The following LAMA4 variants were observed in gnomAD, a reference collection of about 807,000 sequenced individuals.
The protein encoded by LAMA4 is laminin subunit alpha 4.
A neutral mutation model predicts 207.1 loss-of-function variants in LAMA4; 127 were observed. The observed-to-expected ratio is 0.61, with a 90% confidence interval of 0.53 to 0.71. The LOEUF is 0.71. LAMA4 is among the 30% of genes least tolerant of loss of function. LAMA4 has a pLI of 0.00. For missense variants in LAMA4, 2,093 were observed against 2,246.5 expected, an observed-to-expected ratio of 0.93 and a Z score of 1.38; for synonymous variants, 761 against 816.0, an observed-to-expected ratio of 0.93 and a Z score of 1.15.
intron 5 of LAMA4, among the ~76,000 whole-genome samples, chr6:112,193,986 A>G (rs1783268453): frequency 6.6e-6 from 1 of 152,252 alleles, no homozygotes; most frequent in Non-Finnish European, 1.5e-5. Flanking sequence ...AATCTGGTCT[A>G]TGAAAAAGAT....
intron 2 of LAMA4, among the ~76,000 whole-genome samples, chr6:112,231,420 G>T (rs1267427536): frequency 6.6e-6 from 1 of 152,146 alleles, no homozygotes; most frequent in Non-Finnish European, 1.5e-5. Context: ...TACTTGGTTT[G>T]ACATATGGCA....
chr6:112,128,430 A>AGCG (rs1237602645), intron 31 of LAMA4, among the ~76,000 whole-genome samples: 1 of 152,146 alleles, frequency 6.6e-6, no homozygotes, highest in African/African-American at 2.4e-5. Context: ...TGGGACGGGC[A>AGCG]GCGGCGGGAG....
At chr6:112,216,011 C>G (rs537829412) in intron 3 of LAMA4, among the ~76,000 whole-genome samples, 1 of 152,280 alleles carries the variant, frequency 6.6e-6, no homozygotes, top group Admixed American at 6.5e-5. Flanking sequence ...TTATGTGGAA[C>G]GAAGCCAAAC....
intron 2 of LAMA4, among the ~76,000 whole-genome samples, chr6:112,222,646 T>C (rs1230418777): frequency 6.6e-6 from 1 of 152,208 alleles, no homozygotes; most frequent in East Asian, 1.9e-4. Context: ...CTGTGGCTAC[T>C]CCTCAGCACT....
chr6:112,200,801 A>G (rs1251878658), intron 5 of LAMA4, among the ~76,000 whole-genome samples: 1 of 151,990 alleles, frequency 6.6e-6, no homozygotes, highest in African/African-American at 2.4e-5. Context: ...CAAACACCAC[A>G]TGTTCTCACT....
chr6:112,234,906 G>A (rs1395808090), intron 2 of LAMA4: 1 of 151,978 alleles, frequency 6.6e-6, no homozygotes, highest in Non-Finnish European at 1.5e-5. Flanking sequence ...AAATATCTTT[G>A]GATATCCAAA....
At position 112,216,440 on chromosome 6, in the gene LAMA4, C is replaced by T. The variant is rs137948709; in HGVS notation, c.225G>A (p.Leu75=). 90 of 1,613,784 alleles carry T rather than the reference C, an allele frequency of 5.6e-5. No homozygotes were observed. Among genetic ancestry groups the T allele is most frequent in the Non-Finnish European group, 7.0e-5 (82 of 1,179,800 alleles). Reference sequence around the variant, plus strand: ...AGTCGCAGGGCACACATTCTCCCGACAGGGTGTGAAAGAATCCAGCATTGC... The same window carrying T: ...AGTCGCAGGGCACACATTCTCCCGATAGGGTGTGAAAGAATCCAGCATTGC... The part of the protein sequence containing the change: ...EKCNAGFFHT[L]SGECVPCDCN... The change falls in exon 3 of 39, where the codon CTG becomes CTA. Residue 75 remains leucine, a synonymous_variant. Transcript: ENST00000230538.
At chr6:112,198,996 C>T (rs1433545066) in intron 5 of LAMA4, among the ~76,000 whole-genome samples, 1 of 152,200 alleles carries the variant, frequency 6.6e-6, no homozygotes, top group East Asian at 1.9e-4. Flanking sequence ...CTGAGATTCA[C>T]ACTCACCCAG....
rs1359456360 is a variant in LAMA4 at position 112,191,699 on chromosome 6, A to G, written c.655T>C (p.Phe219Leu). ...CRNCLRNTTGFKCERCAPGYY... is the reference protein window; with the variant it reads ...CRNCLRNTTGLKCERCAPGYY... ...CCAGGAGCGCAACGTTCACACTTGA[A>G]TCCGGTGGTGTTGCGTAAGCAATTC... Residue 219 changes from phenylalanine (F) to leucine (L), a missense_variant, in exon 6 of 39, where the codon TTC (phenylalanine) becomes CTC (leucine). Phe to Leu is a conservative substitution (Grantham distance 22, BLOSUM62 0). Coordinates refer to ENST00000230538, the MANE Select transcript of LAMA4 (RefSeq NM_001105206.3). 6.2e-7 allele frequency: 1 copy of G among 1,614,000 alleles called. No individual in the cohort carries two copies. Among genetic ancestry groups the G allele is most frequent in the Non-Finnish European group, 8.5e-7 (1 of 1,180,006 alleles).
At chr6:112,139,363 C>A in intron 23 of LAMA4, 72 bp from the exon 24 acceptor site, 2 of 1,514,308 alleles carry the variant, frequency 1.3e-6, no homozygotes, top group Non-Finnish European at 1.8e-6. Context: ...GCCCTTTTAA[C>A]CCATTCTTCT....
At chr6:112,242,538 A>G (rs943768838) in intron 2 of LAMA4, among the ~76,000 whole-genome samples, 2 of 152,206 alleles carry the variant, frequency 1.3e-5, no homozygotes, top group African/African-American at 4.8e-5. Context: ...GCCTGGGGAT[A>G]TGGTGAAAAT....
intron 3 of LAMA4, among the ~76,000 whole-genome samples, chr6:112,215,765 C>T (rs1457415309): frequency 6.6e-6 from 1 of 152,154 alleles, no homozygotes. Context: ...TCGCACAAGG[C>T]TCTATCATGC....
Position 112,109,249 on chromosome 6 carries a change from C to T in LAMA4, c.*188G>A. On this transcript the variant is annotated 3_prime_UTR_variant, in exon 39 of 39. Transcript: ENST00000230538. ...CTTCAATTGTTGTCCATTGCAGACA[C>T]TTTGGATTCAAGGTTAAGAATCCAA... 4 of 680,094 alleles carry T rather than the reference C, an allele frequency of 5.9e-6. No homozygotes were observed. Among genetic ancestry groups the T allele is most frequent in the South Asian group, 5.4e-5 (3 of 55,210 alleles). 42.1% of individuals were successfully genotyped at this position (680,094 alleles called of 1,614,324 possible).
intron 2 of LAMA4, among the ~76,000 whole-genome samples, chr6:112,244,549 C>A (rs375253956): frequency 6.6e-6 from 1 of 152,216 alleles, no homozygotes; most frequent in African/African-American, 2.4e-5. Context: ...AACTTGCTTT[C>A]ATTTTACTCT....
At chr6:112,203,777 A>G (rs910316947) in intron 4 of LAMA4, among the ~76,000 whole-genome samples, 7 of 150,960 alleles carry the variant, frequency 4.6e-5, no homozygotes, top group African/African-American at 9.9e-5. Flanking sequence ...CTTATAGGTG[A>G]CACACTTTTT....
intron 2 of LAMA4, among the ~76,000 whole-genome samples, chr6:112,222,609 G>A (rs1266046040): frequency 1.3e-5 from 2 of 152,162 alleles, no homozygotes; most frequent in African/African-American, 4.8e-5. Context: ...AGTGGAGACA[G>A]GGTTATCACA....
At chr6:112,240,591 A>G (rs1188811730) in intron 2 of LAMA4, among the ~76,000 whole-genome samples, 1 of 152,130 alleles carries the variant, frequency 6.6e-6, no homozygotes, top group African/African-American at 2.4e-5. Context: ...TCTATTCTCT[A>G]TGTCCATGAG....
chr6:112,240,705 T>G (rs1484212509), intron 2 of LAMA4, among the ~76,000 whole-genome samples: 2 of 152,188 alleles, frequency 1.3e-5, no homozygotes, highest in African/African-American at 2.4e-5. Flanking sequence ...CATCCATGTT[T>G]TTGCAGATGG....
At chr6:112,186,578 A>G (rs1782695997) in intron 8 of LAMA4, among the ~76,000 whole-genome samples, 1 of 152,192 alleles carries the variant, frequency 6.6e-6, no homozygotes, top group African/African-American at 2.4e-5. Flanking sequence ...CCCCGTGGGG[A>G]TGCTCCAGTT....
Sources: allele counts gnomAD v4.1 joint callset (sites outside exome capture counted in the v4.1 genomes callset), GRCh38; gene constraint gnomAD v4.1.1; transcripts MANE v1.5; gene names NCBI Gene and HGNC (gene_info 2026-07-23, HGNC 2026-07-21).